The following SKI variants were observed in gnomAD, a reference collection of about 807,000 sequenced individuals.
SKI encodes the protein SKI proto-oncogene.
A neutral mutation model predicts 59.3 loss-of-function variants in SKI; 23 were observed. The observed-to-expected ratio is 0.39, with a 90% CI of 0.28 to 0.55. The LOEUF (loss-of-function observed/expected upper bound fraction) is 0.55. Among genes scored for constraint, SKI ranks in the 20% least tolerant of loss-of-function variants. The pLI, the probability that SKI is intolerant of heterozygous loss-of-function variation, is 0.67. For synonymous variants in SKI, 673 were observed against 488.6 expected (o/e 1.38, Z -4.98); for missense variants, 1,017 against 1,038.9 (o/e 0.98, Z 0.29).
chr1:2,245,788 CTTTTTTT>C (rs766445644), intron 1 of SKI, among the ~76,000 whole-genome samples: 35 of 70,376 alleles, frequency 5.0e-4, no homozygotes, highest in Middle Eastern at 0.015. Context: ...ATTTTTCCTT[CTTTTTTT>C]TTTTTTTTTT....
At position 2,269,332 on chromosome 1, in the gene SKI, C is replaced by T. The variant is rs958021839; in HGVS notation, c.970-33646C>T. 8.5e-5 allele frequency among the ~76,000 whole-genome samples: 13 copies of T among 152,248 alleles called. No individual in the cohort carries two copies. Among genetic ancestry groups the T allele is most frequent in the African/African-American group, 3.1e-4 (13 of 41,468 alleles). ...GCAGAGCCAGAGAGTGACTAAGGGGCTGTTAGGACAGAGACAGTGGGTTTT... is the reference window on the plus strand; with the variant it reads ...GCAGAGCCAGAGAGTGACTAAGGGGTTGTTAGGACAGAGACAGTGGGTTTT... On this transcript the variant is annotated intron_variant, in intron 1 of 6. Transcript: ENST00000378536. The surrounding 1 kb of genome is among the most constrained non-coding windows in gnomAD (Gnocchi z 4.7).
At position 2,304,523 on chromosome 1, in the gene SKI, A is replaced by T; in HGVS notation, c.1705A>T (p.Met569Leu). 6.3e-7 allele frequency: 1 copy of T among 1,582,190 alleles called. No homozygotes were observed. Among genetic ancestry groups the T allele is most frequent in the Non-Finnish European group, 8.6e-7 (1 of 1,165,564 alleles). The change falls in exon 5 of 7, where the codon ATG becomes TTG. Residue 569 changes from methionine to leucine, a missense_variant. Transcript: ENST00000378536. ...GAAGTTCCTGCATGAGGTGGTCAAG[A>T]TGCGCGTGAAGCAGGAGGAGAAGCT... ...KEKFLHEVVK[M>L]RVKQEEKLSA...
At chr1:2,278,801 C>T (rs1366991307) in intron 1 of SKI, among the ~76,000 whole-genome samples, 1 of 152,118 alleles carries the variant, frequency 6.6e-6, no homozygotes, top group Non-Finnish European at 1.5e-5. Context: ...CCTGGGCAGG[C>T]AGCACCCATG....
intron 1 of SKI, among the ~76,000 whole-genome samples, chr1:2,250,629 C>T (rs552258778): frequency 3.7e-4 from 57 of 152,354 alleles, no homozygotes; most frequent in South Asian, 1.4e-3. Flanking sequence ...TCAGTGGGGT[C>T]CTCCCTGCTA....
rs1272438163 is a variant in SKI at position 2,245,292 on chromosome 1, C to T, written c.969+15557C>T. Among the ~76,000 whole-genome samples, 5 of 152,260 alleles carry T rather than the reference C, an allele frequency of 3.3e-5. No homozygotes were observed. In the South Asian group the frequency reaches 1.0e-3, roughly 32 times the overall value. ...TTCCTTCTCAAGACTGAACCGCAGG[C>T]TGCTGTATGGATGTATTTTGTTTAC... On this transcript the variant is annotated intron_variant, in intron 1 of 6. Transcript: ENST00000378536.
chr1:2,231,410 T>C (rs928291168), intron 1 of SKI, among the ~76,000 whole-genome samples: 40 of 152,188 alleles, frequency 2.6e-4, no homozygotes, highest in Non-Finnish European at 2.9e-5. Flanking sequence ...CTTTCTGTCT[T>C]CCTGGGCTTT....
intron 1 of SKI, among the ~76,000 whole-genome samples, chr1:2,271,696 G>A (rs1483246334): frequency 2.7e-5 from 4 of 149,740 alleles, no homozygotes; most frequent in Admixed American, 2.0e-4. Context: ...GCCCCAGGGC[G>A]GGGATTGTGG....
At chr1:2,252,885 A>G (rs893509789) in intron 1 of SKI, among the ~76,000 whole-genome samples, 2 of 152,130 alleles carry the variant, frequency 1.3e-5, no homozygotes, top group African/African-American at 4.8e-5. Flanking sequence ...ACTTGAGGTC[A>G]GGAGTTTGAG....
chr1:2,292,414 T>C (rs1640180305), intron 1 of SKI, among the ~76,000 whole-genome samples: 1 of 152,186 alleles, frequency 6.6e-6, no homozygotes, highest in South Asian at 2.1e-4. Flanking sequence ...GGGGTGACCC[T>C]TCATCTAGCA....
At chr1:2,248,615 A>G (rs1639049857) in intron 1 of SKI, among the ~76,000 whole-genome samples, 1 of 152,210 alleles carries the variant, frequency 6.6e-6, no homozygotes, top group Non-Finnish European at 1.5e-5. Flanking sequence ...CTGGTTCAGA[A>G]AAGCCGTGGG....
At chr1:2,279,336 G>C (rs370118580) in intron 1 of SKI, among the ~76,000 whole-genome samples, 2 of 152,132 alleles carry the variant, frequency 1.3e-5, no homozygotes, top group South Asian at 2.1e-4. Flanking sequence ...GACGGTGGGC[G>C]TCCTTTCCAG....
intron 1 of SKI, among the ~76,000 whole-genome samples, chr1:2,299,777 T>A (rs532417104): frequency 6.6e-6 from 1 of 152,032 alleles, no homozygotes; most frequent in Non-Finnish European, 1.5e-5. Flanking sequence ...CAGGAAAGGG[T>A]CCCCAAGGCC....
intron 1 of SKI, chr1:2,240,525 A>T: frequency 2.0e-6 from 2 of 985,412 alleles, no homozygotes; most frequent in Non-Finnish European, 2.4e-6. Flanking sequence ...GTTGTGGGGC[A>T]AGGCTGCGGG....
At position 2,269,597 on chromosome 1, in the gene SKI, G is replaced by T. The variant is rs1432662671; in HGVS notation, c.970-33381G>T. Among the ~76,000 whole-genome samples the T allele has an allele frequency of 6.6e-6, 1 of 152,262 alleles. No homozygotes were observed. The highest frequency in any genetic ancestry group is 1.5e-5 in the Non-Finnish European group (1 of 68,046). ...CTTTGCTGCCCTGGAGCGTCGCTTT[G>T]TGGGCAGAAGCCAACTTTGGAATCG... On this transcript the variant is annotated intron_variant, in intron 1 of 6. Coordinates refer to ENST00000378536, the MANE Select transcript of SKI (RefSeq NM_003036.4). This position sits in a 1 kb window ranked among gnomAD's most constrained non-coding sequence, Gnocchi z 4.7.
chr1:2,230,183 G>A (rs983931789), intron 1 of SKI, among the ~76,000 whole-genome samples: 9 of 152,240 alleles, frequency 5.9e-5, no homozygotes, highest in Non-Finnish European at 1.3e-4. Flanking sequence ...AAGGCACCCA[G>A]CCTCGAAGAC....
In SKI at chr1:2,304,305, T is replaced by C. The variant is rs1640510121; in HGVS notation, c.1487T>C (p.Leu496Ser). 2.6e-6 allele frequency: 4 copies of C among 1,551,692 alleles called. No homozygotes were observed. The highest frequency in any genetic ancestry group is 2.6e-6 in the Non-Finnish European group (3 of 1,146,916). Residue 496 changes from leucine to serine, a missense_variant, in exon 5 of 7, where the codon TTG becomes TCG. Coordinates refer to ENST00000378536, the MANE Select transcript of SKI (RefSeq NM_003036.4). ...VESREEFTSS[L>S]SSLSSPSFTS... ...GCTTCCTCCTCAGTCACCTCCTCCT[T>C]GTCCTCGCTCTCTTCCCCGTCCTTT...
At position 2,228,959 on chromosome 1, in the gene SKI, C is replaced by T. The variant is rs1638566036; in HGVS notation, c.193C>T (p.Pro65Ser). Residue 65 changes from proline (P) to serine (S), a missense_variant, in exon 1 of 7, where the codon CCC (proline) becomes TCC (serine). By Grantham distance (74) the Pro-to-Ser change is moderately conservative. Coordinates refer to ENST00000378536, the MANE Select transcript of SKI (RefSeq NM_003036.4). ...AGAAAVPAPV[P>S]AATEPPPVLH... Reference sequence around the variant, plus strand: ...CGCGGCCGCGGTGCCGGCGCCGGTGCCCGCAGCCACCGAGCCGCCGCCCGT... The same window carrying T: ...CGCGGCCGCGGTGCCGGCGCCGGTGTCCGCAGCCACCGAGCCGCCGCCCGT... 2 of 1,415,680 alleles carry T rather than the reference C, an allele frequency of 1.4e-6. No individual in the cohort carries two copies. The highest frequency in any genetic ancestry group is 1.5e-5 in the African/African-American group (1 of 66,490). The allele number at this position is 1,415,680 out of a possible 1,614,324, so 87.7% of individuals were successfully genotyped here. A position where few individuals can be genotyped will look rare whatever the true frequency, so the allele number is the denominator to read the frequency against.
intron 1 of SKI, among the ~76,000 whole-genome samples, chr1:2,239,422 G>A (rs1194344814): frequency 6.6e-6 from 1 of 152,200 alleles, no homozygotes; most frequent in Non-Finnish European, 1.5e-5. Flanking sequence ...TGTCTTCCTT[G>A]TCACTGGCTG....
rs1165905597 is a variant in SKI, at chr1:2,303,950, G to A, written c.1322G>A (p.Arg441Gln). The A allele has an allele frequency of 2.5e-6, 4 of 1,611,810 alleles. No individual in the cohort carries two copies. Among genetic ancestry groups the A allele is most frequent in the Non-Finnish European group, 3.4e-6 (4 of 1,179,606 alleles). ...CCTCCGTGTGCCGCCGCCGTCTCCC[G>A]GGCCCCCGAGCCTCTCGCCACTTGC... ...SSPPCAAAVS[R>Q]APEPLATCTQ... is the part of the protein sequence containing the mutation. Residue 441 changes from arginine to glutamine, a missense_variant, in exon 4 of 7, where the codon CGG becomes CAG. Arg to Gln is a conservative substitution (Grantham distance 43). Transcript: ENST00000378536. The surrounding 1 kb of genome is among the most constrained non-coding windows in gnomAD (Gnocchi z 5.6).
Sources: allele counts gnomAD v4.1 joint callset (sites outside exome capture counted in the v4.1 genomes callset), GRCh38; gene constraint gnomAD v4.1.1; non-coding constraint Gnocchi (gnomAD v3.1); transcripts MANE v1.5; gene names NCBI Gene and HGNC (gene_info 2026-07-23, HGNC 2026-07-21).